SLIT3: variants seen among roughly 807,000 people sequenced by gnomAD.
SLIT3 encodes slit homolog 3 protein.
Under a neutral mutation model 184.0 loss-of-function variants are expected in SLIT3, and 68 were observed. The observed-to-expected ratio is 0.37, with a 90% CI of 0.30 to 0.45. The LOEUF is 0.45. Among genes scored for constraint, SLIT3 ranks in the 20% least tolerant of loss-of-function variants. The probability of loss-of-function intolerance (pLI) is 1.00; values close to 1 mark genes in which losing one functional copy is unlikely to be tolerated. For synonymous variants in SLIT3, 831 were observed against 828.6 expected (o/e 1.00, Z -0.05); for missense variants, 1,707 against 2,026.0 (o/e 0.84, Z 3.02).
At chr5:168,739,605 C>A (rs1006019549) in intron 20 of SLIT3, among the ~76,000 whole-genome samples, 2 of 152,054 alleles carry the variant, frequency 1.3e-5, no homozygotes, top group African/African-American at 4.8e-5. Context: ...CAGGCGCCCA[C>A]AACCACGTCT....
At chr5:168,791,445 T>C (rs1756364089) in intron 10 of SLIT3, 1 of 152,262 alleles carries the variant, frequency 6.6e-6, no homozygotes, top group African/African-American at 2.4e-5. Flanking sequence ...TAGCTGGGAA[T>C]TGACCTTGGT....
chr5:169,176,319 C>T (rs773534248), intron 4 of SLIT3, among the ~76,000 whole-genome samples: 6 of 152,164 alleles, frequency 3.9e-5, no homozygotes, highest in African/African-American at 7.2e-5. Context: ...TAAAGCCTGA[C>T]GGGCAAGGTA....
chr5:169,077,180 T>C (rs1529697), intron 4 of SLIT3, among the ~76,000 whole-genome samples: 55,876 of 152,088 alleles, frequency 0.37, 11,025 homozygotes, highest in South Asian at 0.56. Flanking sequence ...TAATGAATTG[T>C]AAGTATATTT....
intron 5 of SLIT3, among the ~76,000 whole-genome samples, chr5:168,853,357 C>G (rs1012278335): frequency 6.6e-6 from 1 of 152,194 alleles, no homozygotes; most frequent in East Asian, 1.9e-4. Flanking sequence ...AATCTCATTT[C>G]TTGGTGGCTA....
intron 20 of SLIT3, among the ~76,000 whole-genome samples, chr5:168,743,166 G>A (rs547158277): frequency 3.9e-5 from 6 of 152,186 alleles, no homozygotes; most frequent in East Asian, 1.9e-4. Context: ...TCTGGGTCGC[G>A]TTCTGTCACT....
intron 4 of SLIT3, among the ~76,000 whole-genome samples, chr5:168,978,628 C>T (rs1443255550): frequency 6.6e-6 from 1 of 152,100 alleles, no homozygotes; most frequent in Non-Finnish European, 1.5e-5. Context: ...ATCAGAAAAC[C>T]ATGTGATTAG....
At chr5:168,954,093 T>G (rs562004417) in intron 4 of SLIT3, among the ~76,000 whole-genome samples, 3 of 152,244 alleles carry the variant, frequency 2.0e-5, no homozygotes, top group Non-Finnish European at 4.4e-5. Flanking sequence ...AATGGTCTTA[T>G]TCTAGATGAT....
intron 1 of SLIT3, among the ~76,000 whole-genome samples, chr5:169,292,093 C>T (rs1168877336): frequency 6.6e-6 from 1 of 152,166 alleles, no homozygotes; most frequent in African/African-American, 2.4e-5. Flanking sequence ...CTTCATTCTT[C>T]ATCATGTCTG....
intron 4 of SLIT3, among the ~76,000 whole-genome samples, chr5:169,055,164 A>T (rs552836283): frequency 1.1e-4 from 16 of 152,256 alleles, no homozygotes; most frequent in African/African-American, 3.6e-4. Flanking sequence ...CAGTCAATAA[A>T]CAAGTTTCAT....
At chr5:168,882,771 GA>G (rs1250608359) in intron 5 of SLIT3, among the ~76,000 whole-genome samples, 1 of 152,128 alleles carries the variant, frequency 6.6e-6, no homozygotes, top group East Asian at 1.9e-4. Context: ...AACTTCCTGG[GA>G]TGTAAGTCCC....
At chr5:169,074,311 T>C (rs1758659096) in intron 4 of SLIT3, among the ~76,000 whole-genome samples, 1 of 152,198 alleles carries the variant, frequency 6.6e-6, no homozygotes. Flanking sequence ...CCAATATCAT[T>C]TTTAACGCAT....
At chr5:168,724,229 G>A (rs555706742) in intron 21 of SLIT3, among the ~76,000 whole-genome samples, 187 bp downstream of exon 21, 15 of 152,232 alleles carry the variant, frequency 9.9e-5, no homozygotes, top group African/African-American at 2.9e-4. Flanking sequence ...CAAGGGTAAT[G>A]CTCTTTCATT....
At chr5:169,178,562 C>T (rs1409560757) in intron 4 of SLIT3, among the ~76,000 whole-genome samples, 1 of 152,144 alleles carries the variant, frequency 6.6e-6, no homozygotes, top group Non-Finnish European at 1.5e-5. Flanking sequence ...CTAAAACAAA[C>T]CTGAGATATA....
intron 32 of SLIT3, 93 bp from the exon 33 acceptor site, chr5:168,673,424 A>G (rs1761316103): frequency 1.7e-6 from 2 of 1,174,426 alleles, no homozygotes; most frequent in African/African-American, 1.6e-5. Context: ...CATTGCTTAC[A>G]TTTTGTTTTA....
chr5:169,085,901 G>A (rs58227374), intron 4 of SLIT3, among the ~76,000 whole-genome samples: 8,504 of 152,186 alleles, frequency 0.056, 388 homozygotes, highest in Admixed American at 0.14. Flanking sequence ...CTGGTCCAAC[G>A]TTGGTGTCTT....
chr5:168,798,642 C>A (rs1408330111), intron 9 of SLIT3, among the ~76,000 whole-genome samples: 1 of 152,074 alleles, frequency 6.6e-6, no homozygotes, highest in African/African-American at 2.4e-5. Context: ...GTCAACCCTG[C>A]CCCAGGAGGC....
intron 8 of SLIT3, among the ~76,000 whole-genome samples, chr5:168,814,504 C>A (rs1475790696): frequency 6.6e-6 from 1 of 152,128 alleles, no homozygotes; most frequent in Admixed American, 6.5e-5. Flanking sequence ...TGGGGCAGGA[C>A]TGGTTGTTGG....
chr5:169,262,120 C>A (rs1397785827), intron 1 of SLIT3, among the ~76,000 whole-genome samples: 1 of 152,150 alleles, frequency 6.6e-6, no homozygotes, highest in Non-Finnish European at 1.5e-5. Context: ...CCTTATGAAA[C>A]CCTGAAGCAG....
At chr5:168,934,095 G>A (rs1309620877) in intron 4 of SLIT3, among the ~76,000 whole-genome samples, 1 of 152,192 alleles carries the variant, frequency 6.6e-6, no homozygotes, top group Non-Finnish European at 1.5e-5. Context: ...GGAGTGATGG[G>A]CTCCACCTGC....
Sources: gnomAD v4.1 joint callset for allele counts (sites outside exome capture counted in the v4.1 genomes callset) on GRCh38, gnomAD v4.1.1 for gene constraint, MANE v1.5 for transcripts, NCBI Gene and HGNC (gene_info 2026-07-23, HGNC 2026-07-21) for gene names.